ME3: variants seen among roughly 807,000 people sequenced by gnomAD.
ME3 encodes the protein NADP-dependent malic enzyme, mitochondrial.
ME3 carries 48 observed loss-of-function variants against 68.9 expected under a neutral mutation model. The observed-to-expected ratio is 0.70, with a 90% CI of 0.55 to 0.89. ME3 has a LOEUF of 0.89. Among genes scored for constraint, ME3 ranks in the 40% least tolerant of loss-of-function variants. ME3 has a pLI of 0.00. For missense variants in ME3, 675 were observed against 797.4 expected (o/e 0.85, Z 1.85); for synonymous variants, 320 against 318.8 (o/e 1.00, Z -0.04).
intron 2 of ME3, among the ~76,000 whole-genome samples, chr11:86,560,299 CCTCCTTTTCT>C (rs1396641124): frequency 6.6e-6 from 1 of 152,082 alleles, no homozygotes; most frequent in Admixed American, 6.5e-5. Context: ...TCTGGTGCTT[CCTCCTTTTCT>C]CTCTGTCCTG....
intron 2 of ME3, among the ~76,000 whole-genome samples, chr11:86,626,517 C>T (rs1240557876): frequency 1.3e-5 from 2 of 152,186 alleles, no homozygotes; most frequent in Non-Finnish European, 1.5e-5. Context: ...CTCTTGGCCT[C>T]GTCTCTAATT....
chr11:86,598,725 C>CGCGGCCAG (rs1433198875), intron 2 of ME3, among the ~76,000 whole-genome samples: 2 of 152,178 alleles, frequency 1.3e-5, no homozygotes, highest in Non-Finnish European at 2.9e-5. Context: ...TAACACCTCA[C>CGCGGCCAG]GCGGCCAGGT....
intron 2 of ME3, among the ~76,000 whole-genome samples, chr11:86,667,032 A>C (rs892351298): frequency 4.6e-5 from 7 of 152,224 alleles, no homozygotes; most frequent in African/African-American, 1.7e-4. Context: ...AAATCTGTGC[A>C]GTCTCAGATG....
chr11:86,496,917 G>C (rs1475560472), intron 6 of ME3, among the ~76,000 whole-genome samples: 1 of 151,314 alleles, frequency 6.6e-6, no homozygotes, highest in Non-Finnish European at 1.5e-5. Flanking sequence ...ATACCAATAT[G>C]TAAACAATGA....
intron 4 of ME3, among the ~76,000 whole-genome samples, chr11:86,546,435 C>A (rs1243591723): frequency 6.6e-6 from 1 of 152,034 alleles, no homozygotes. Flanking sequence ...GGCTAATATC[C>A]AAAAATCTAT....
At chr11:86,438,063 A>AG (rs1948907288), downstream of ME3, among the ~76,000 whole-genome samples, 1 of 152,172 alleles carries the variant, frequency 6.6e-6, no homozygotes, top group Admixed American at 6.5e-5. Flanking sequence ...TCCAGATCTT[A>AG]GGGAGAAAGT....
At chr11:86,568,795 A>G (rs1565152041) in intron 2 of ME3, among the ~76,000 whole-genome samples, 1 of 152,178 alleles carries the variant, frequency 6.6e-6, no homozygotes, top group Non-Finnish European at 1.5e-5. Context: ...TGTGTACTTG[A>G]CAATCTCTTC....
At chr11:86,464,164 C>A in intron 8 of ME3, 1 of 426,392 alleles carries the variant, frequency 2.3e-6, no homozygotes, top group Non-Finnish European at 4.6e-6. Context: ...TTTAGCAATC[C>A]AGGGCCAACA....
At chr11:86,617,045 G>GTTGTT (rs1943008171) in intron 2 of ME3, among the ~76,000 whole-genome samples, 1 of 56,302 alleles carries the variant, frequency 1.8e-5, no homozygotes, top group Non-Finnish European at 3.1e-5. Flanking sequence ...CAAGATAGTA[G>GTTGTT]TTTTTTTTTT....
At chr11:86,522,337 ATGTAG>A (rs113031927) in intron 4 of ME3, among the ~76,000 whole-genome samples, 3 of 152,188 alleles carry the variant, frequency 2.0e-5, no homozygotes, top group East Asian at 1.9e-4. Flanking sequence ...CAAATTAAAA[ATGTAG>A]TGTAATGACT....
Position 86,509,205 on chromosome 11 carries a change from G to C in ME3, c.468-338C>G, listed in dbSNP as rs182480467. Among the ~76,000 whole-genome samples, 20 of 151,912 alleles carry C rather than the reference G, an allele frequency of 1.3e-4. No homozygotes were observed. In the East Asian group the frequency reaches 3.5e-3, roughly 26 times the overall value. On this transcript the variant is annotated intron_variant, in intron 4 of 14. Transcript: ENST00000543262. ...CCAAGGCTGATTCCAGGGACTGTTT[G>C]GGCCTCTTTTCCAGGTCCCTCCTCC...
At chr11:86,665,568 A>C (rs1027767580) in intron 2 of ME3, among the ~76,000 whole-genome samples, 1 of 152,190 alleles carries the variant, frequency 6.6e-6, no homozygotes, top group Non-Finnish European at 1.5e-5. Flanking sequence ...GGCATCATGA[A>C]GACTTGGATG....
intron 2 of ME3, among the ~76,000 whole-genome samples, chr11:86,567,953 G>C (rs766692455): frequency 1.4e-4 from 22 of 152,216 alleles, no homozygotes; most frequent in African/African-American, 1.4e-4. Context: ...GTATATGAGG[G>C]GTCTGAAGGT....
chr11:86,498,159 G>T, intron 5 of ME3, 35 bp from the exon 6 acceptor site: 1 of 1,583,610 alleles, frequency 6.3e-7, no homozygotes, highest in Non-Finnish European at 8.6e-7. Context: ...ATCAGGGACA[G>T]CACTTCCTGT....
intron 4 of ME3, among the ~76,000 whole-genome samples, chr11:86,521,449 TAATAAA>T (rs1278018891): frequency 0.034 from 4,998 of 146,788 alleles, 119 homozygotes; most frequent in South Asian, 0.07. Flanking sequence ...ATAATAATAA[TAATAAA>T]AAAATGGAGC....
chr11:86,530,518 C>CA (rs1485758500), intron 4 of ME3, among the ~76,000 whole-genome samples: 4 of 152,204 alleles, frequency 2.6e-5, no homozygotes, highest in African/African-American at 7.2e-5. Context: ...CATATGGAAC[C>CA]AAAAAATAGC....
chr11:86,445,359 T>C (rs1297735569), intron 13 of ME3, among the ~76,000 whole-genome samples: 7 of 152,154 alleles, frequency 4.6e-5, no homozygotes, highest in African/African-American at 1.7e-4. Flanking sequence ...AGGGACCTGG[T>C]GCATGAGGTA....
intron 7 of ME3, among the ~76,000 whole-genome samples, chr11:86,475,874 T>TATAG: frequency 0.042 from 3,855 of 91,310 alleles, 125 homozygotes; most frequent in African/African-American, 0.059. Context: ...TATATATATA[T>TATAG]AGAGAGAGAG....
intron 2 of ME3, among the ~76,000 whole-genome samples, chr11:86,636,677 G>A (rs1346580232): frequency 6.6e-6 from 1 of 152,226 alleles, no homozygotes; most frequent in African/African-American, 2.4e-5. Flanking sequence ...AATCGGAGCT[G>A]CATTTGTACT....
Sources: gnomAD v4.1 joint callset for allele counts (sites outside exome capture counted in the v4.1 genomes callset) on GRCh38, gnomAD v4.1.1 for gene constraint, MANE v1.5 for transcripts, NCBI Gene and HGNC (gene_info 2026-07-23, HGNC 2026-07-21) for gene names.